Variants in SUFU observed in about 807,000 individuals in gnomAD.
SUFU encodes SUFU negative regulator of hedgehog signaling.
SUFU carries 7 observed loss-of-function variants against 58.9 expected under a neutral mutation model. The ratio of observed to expected loss-of-function variants is 0.12; its 90% confidence interval spans 0.07 to 0.22. SUFU has a LOEUF of 0.22. SUFU is among the 10% of genes least tolerant of loss of function. SUFU has a pLI of 1.00. For synonymous variants in SUFU, 232 were observed against 254.8 expected (o/e 0.91, Z 0.85); for missense variants, 451 against 641.3 (o/e 0.70, Z 3.20).
At chr10:102,579,491 T>A (rs951337123) in intron 3 of SUFU, among the ~76,000 whole-genome samples, 2 of 152,184 alleles carry the variant, frequency 1.3e-5, no homozygotes, top group African/African-American at 4.8e-5. Context: ...TCCTTACACT[T>A]CACTGTTTGC....
Position 102,558,725 on chromosome 10 carries a change from G to A in SUFU, c.454+8619G>A, listed in dbSNP as rs534363227. 1.2e-4 allele frequency among the ~76,000 whole-genome samples: 19 copies of A among 152,360 alleles called. 1 individual carries two copies. The South Asian group carries it at 3.3e-3, about 27-fold the overall frequency. ...CTAACCACCAGCAGAAGAATAGCACGGCTTTGCATAGGCAAAATCAGTTGC... is the reference window on the plus strand; with the variant it reads ...CTAACCACCAGCAGAAGAATAGCACAGCTTTGCATAGGCAAAATCAGTTGC... On this transcript the variant is annotated intron_variant, in intron 3 of 11. Coordinates refer to ENST00000369902, the MANE Select transcript of SUFU (RefSeq NM_016169.4).
intron 8 of SUFU, 88 bp downstream of exon 8, chr10:102,599,632 T>C: frequency 8.8e-7 from 1 of 1,131,496 alleles, no homozygotes; most frequent in South Asian, 1.3e-5. Context: ...GAGAGAACAA[T>C]GCACATAGCC....
At position 102,546,355 on chromosome 10, in the gene SUFU, T is replaced by C. The variant is rs139141899; in HGVS notation, c.318-3615T>C. Among the ~76,000 whole-genome samples the C allele has an allele frequency of 3.4e-3, 511 of 152,308 alleles. 5 individuals carry two copies. Among genetic ancestry groups the C allele is most frequent in the African/African-American group, 0.012 (480 of 41,570 alleles). On this transcript the variant is annotated intron_variant, in intron 2 of 11. Transcript: ENST00000369902. ...CACTCTGCCAGCCTGGGAAGAATTT[T>C]TTTCTTTCTTTCTTTAATTTCTATA... is the stretch of plus-strand genomic sequence containing the variant.
intron 11 of SUFU, 57 bp downstream of exon 11, chr10:102,627,300 C>T (rs986958244): frequency 3.3e-5 from 49 of 1,478,004 alleles, no homozygotes; most frequent in Middle Eastern, 1.7e-4. Flanking sequence ...CATGTGTGTG[C>T]GTGCGTGTGC....
intron 2 of SUFU, among the ~76,000 whole-genome samples, chr10:102,518,585 C>A (rs1203612706): frequency 6.7e-6 from 1 of 150,070 alleles, no homozygotes; most frequent in Non-Finnish European, 1.5e-5. Context: ...CTGGCCCTCT[C>A]GCCCAGGCTG....
chr10:102,579,371 T>G (rs2063249423), intron 3 of SUFU, among the ~76,000 whole-genome samples: 1 of 152,214 alleles, frequency 6.6e-6, no homozygotes, highest in East Asian at 1.9e-4. Flanking sequence ...CCCCCTACAC[T>G]CGCTTTGGGG....
chr10:102,573,188 G>A (rs1282014048), intron 3 of SUFU: 2 of 751,514 alleles, frequency 2.7e-6, no homozygotes, highest in African/African-American at 1.7e-5. Flanking sequence ...TTCGGCTTTA[G>A]GAGGAGCAGG....
intron 3 of SUFU, among the ~76,000 whole-genome samples, chr10:102,579,410 G>A (rs1232328751): frequency 2.0e-5 from 3 of 152,200 alleles, no homozygotes; most frequent in South Asian, 2.1e-4. Context: ...CTGGCAGCCC[G>A]CCAGCCTCCC....
intron 3 of SUFU, among the ~76,000 whole-genome samples, chr10:102,561,926 C>T (rs746679515): frequency 2.6e-5 from 4 of 152,018 alleles, no homozygotes; most frequent in Non-Finnish European, 4.4e-5. Flanking sequence ...ATGTTGGCCT[C>T]CCAAAGTGGA....
chr10:102,574,800 T>A (rs1173863582), intron 3 of SUFU, among the ~76,000 whole-genome samples: 2 of 152,184 alleles, frequency 1.3e-5, no homozygotes, highest in African/African-American at 2.4e-5. Context: ...GTGGCTCCTG[T>A]AATCCCAGCA....
intron 3 of SUFU, among the ~76,000 whole-genome samples, chr10:102,582,030 G>T (rs1053076426): frequency 2.0e-5 from 3 of 152,184 alleles, no homozygotes; most frequent in Admixed American, 2.0e-4. Context: ...GCACAGTCCA[G>T]CTGCGTTTCC....
chr10:102,534,552 A>G (rs2062713580), intron 2 of SUFU, among the ~76,000 whole-genome samples: 1 of 152,248 alleles, frequency 6.6e-6, no homozygotes, highest in African/African-American at 2.4e-5. Context: ...AGAGGTTTCC[A>G]ATGACGGCCT....
intron 3 of SUFU, among the ~76,000 whole-genome samples, chr10:102,552,280 T>A (rs2062927076): frequency 6.6e-6 from 1 of 151,866 alleles, no homozygotes; most frequent in Non-Finnish European, 1.5e-5. Flanking sequence ...CCCTGTAAAT[T>A]AAAGATTAGC....
intron 2 of SUFU, among the ~76,000 whole-genome samples, chr10:102,546,811 G>A (rs1462936741): frequency 6.6e-6 from 1 of 152,274 alleles, no homozygotes; most frequent in Non-Finnish European, 1.5e-5. Context: ...ATCAAATGCA[G>A]GTGGAGACCA....
At position 102,617,184 on chromosome 10, in the gene SUFU, G is replaced by GC; in HGVS notation, c.1158-103dup. 3.3e-6 allele frequency: 5 copies of GC among 1,496,556 alleles called. No homozygotes were observed. Among genetic ancestry groups the GC allele is most frequent in the Non-Finnish European group, 4.6e-6 (5 of 1,081,674 alleles). The allele number at this position is 1,496,556 out of a possible 1,614,324, so 92.7% of individuals were successfully genotyped here. ...GGCAGCCAGGAGGGCATGTTACCTG[G>GC]CCCGCGGACCATAGTCCCCACTGTC... On this transcript the variant is annotated intron_variant, in intron 9 of 11. Transcript: ENST00000369902. This position sits in a 1 kb window ranked among gnomAD's most constrained non-coding sequence, Gnocchi z 4.4.
Position 102,619,425 on chromosome 10 carries a change from G to A in SUFU, c.1296+1997G>A. ...CGGTGGGAACGAGCTGCTGGCCTCGGCATGTTTCAATAAAGTTGCTGTGCT... is the reference window on the plus strand; with the variant it reads ...CGGTGGGAACGAGCTGCTGGCCTCGACATGTTTCAATAAAGTTGCTGTGCT... On this transcript the variant is annotated intron_variant, in intron 10 of 11. Coordinates refer to ENST00000369902, the MANE Select transcript of SUFU (RefSeq NM_016169.4). The surrounding 1 kb of genome is among the most constrained non-coding windows in gnomAD (Gnocchi z 4.2). The A allele has an allele frequency of 7.5e-7, 1 of 1,336,642 alleles. No individual in the cohort carries two copies. Among genetic ancestry groups the A allele is most frequent in the Non-Finnish European group, 9.6e-7 (1 of 1,038,544 alleles). 82.8% of individuals were successfully genotyped at this position (1,336,642 alleles called of 1,614,324 possible). A position where few individuals can be genotyped will look rare whatever the true frequency, so the allele number is the denominator to read the frequency against.
rs1189187497 is a variant in SUFU at position 102,617,660 on chromosome 10, G to A, written c.1296+232G>A. Reference sequence around the variant, plus strand: ...TCTCCCCCTGTCACCTGAGACACAAGTGTTAACTCTCCAGGCCCTGGCTCT... The same window carrying A: ...TCTCCCCCTGTCACCTGAGACACAAATGTTAACTCTCCAGGCCCTGGCTCT... On this transcript the variant is annotated intron_variant, in intron 10 of 11. Coordinates refer to ENST00000369902, the MANE Select transcript of SUFU (RefSeq NM_016169.4). The surrounding 1 kb of genome is among the most constrained non-coding windows in gnomAD (Gnocchi z 4.4). The A allele has an allele frequency of 8.0e-6, 5 of 625,316 alleles. No individual in the cohort carries two copies. Among genetic ancestry groups the A allele is most frequent in the Non-Finnish European group, 1.4e-5 (5 of 345,984 alleles). 38.7% of individuals were successfully genotyped at this position (625,316 alleles called of 1,614,324 possible).
intron 3 of SUFU, among the ~76,000 whole-genome samples, chr10:102,582,826 T>C (rs746551): frequency 0.015 from 2,251 of 152,270 alleles, 58 homozygotes; most frequent in South Asian, 0.12. Flanking sequence ...AGAAAGTGTC[T>C]ACCCAGCCCT....
intron 2 of SUFU, among the ~76,000 whole-genome samples, chr10:102,525,899 C>G (rs900522404): frequency 6.6e-6 from 1 of 152,182 alleles, no homozygotes; most frequent in Non-Finnish European, 1.5e-5. Flanking sequence ...GGTTTCTGCT[C>G]TCATGAATCT....
Sources: allele counts gnomAD v4.1 joint callset (sites outside exome capture counted in the v4.1 genomes callset), GRCh38; gene constraint gnomAD v4.1.1; non-coding constraint Gnocchi (gnomAD v3.1); transcripts MANE v1.5; gene names NCBI Gene and HGNC (gene_info 2026-07-23, HGNC 2026-07-21).